DAB1: variants seen among roughly 807,000 people sequenced by gnomAD.
DAB1 encodes disabled homolog 1.
In DAB1, 15 loss-of-function variants were observed where a neutral mutation model predicts 64.6. That is an observed-to-expected ratio of 0.23 (90% confidence interval 0.16 to 0.36). DAB1 has a LOEUF of 0.36. Among genes scored for constraint, DAB1 ranks in the 10% least tolerant of loss-of-function variants. The probability of loss-of-function intolerance (pLI) is 1.00; values close to 1 mark genes in which losing one functional copy is unlikely to be tolerated. For missense variants in DAB1, 596 were observed against 706.7 expected (o/e 0.84, Z 1.78); for synonymous variants, 235 against 251.9 (o/e 0.93, Z 0.64).
chr1:57,609,675 A>C (rs1645702584), intron 7 of DAB1, among the ~76,000 whole-genome samples: 1 of 152,236 alleles, frequency 6.6e-6, no homozygotes, highest in Non-Finnish European at 1.5e-5. Context: ...AAATAAAGTA[A>C]CATGAAGGCA....
At chr1:57,432,218 C>CA (rs1305036021) in intron 7 of DAB1, among the ~76,000 whole-genome samples, 3 of 152,168 alleles carry the variant, frequency 2.0e-5, no homozygotes, top group Admixed American at 2.0e-4. Context: ...TTTGTAGCCT[C>CA]TATGTTAAAG....
intron 2 of DAB1, among the ~76,000 whole-genome samples, chr1:57,287,778 T>TGTTATTTATTTATTTATTTA (rs1553164512): frequency 2.5e-4 from 36 of 144,102 alleles, no homozygotes; most frequent in African/African-American, 7.0e-4. Flanking sequence ...TTTCTCTCTC[T>TGTTATTTATTTATTTATTTA]TTTATTTATT....
intron 5 of DAB1, among the ~76,000 whole-genome samples, chr1:58,112,229 GTAT>G (rs943656786): frequency 7.9e-5 from 12 of 152,294 alleles, no homozygotes; most frequent in African/African-American, 2.9e-4. Context: ...CAGTTGGAAA[GTAT>G]TTCCTCACAT....
chr1:58,070,219 A>G (rs573327447), intron 5 of DAB1, among the ~76,000 whole-genome samples: 1 of 152,334 alleles, frequency 6.6e-6, no homozygotes, highest in African/African-American at 2.4e-5. Context: ...AAAATGCTTC[A>G]GTTTCAGTTT....
intron 2 of DAB1, among the ~76,000 whole-genome samples, chr1:57,276,291 T>C (rs1397144112): frequency 6.6e-6 from 1 of 152,332 alleles, no homozygotes; most frequent in Non-Finnish European, 1.5e-5. Flanking sequence ...TCGACCAGGA[T>C]TGGCAAATTA....
chr1:57,061,233 G>GT (rs997001859), intron 9 of DAB1, among the ~76,000 whole-genome samples: 1 of 150,948 alleles, frequency 6.6e-6, no homozygotes, highest in Non-Finnish European at 1.5e-5. Context: ...TTAGATGGGG[G>GT]GGGGGGGTGG....
chr1:58,480,400 T>A (rs148298521), intron 3 of DAB1, among the ~76,000 whole-genome samples: 21 of 152,316 alleles, frequency 1.4e-4, no homozygotes, highest in Non-Finnish European at 2.2e-4. Flanking sequence ...TGCTTTGTCA[T>A]CTGAACCACA....
intron 2 of DAB1, among the ~76,000 whole-genome samples, chr1:57,255,128 T>C (rs557544779): frequency 1.3e-5 from 2 of 152,336 alleles, no homozygotes; most frequent in South Asian, 2.1e-4. Flanking sequence ...AATGAATGAA[T>C]GGTTTTCCCT....
chr1:57,810,999 C>A (rs1651591941), intron 6 of DAB1, among the ~76,000 whole-genome samples: 1 of 152,224 alleles, frequency 6.6e-6, no homozygotes, highest in Non-Finnish European at 1.5e-5. Flanking sequence ...CATTCCTTGG[C>A]TCTGGCCACA....
intron 3 of DAB1, among the ~76,000 whole-genome samples, chr1:58,366,150 C>T (rs1353123622): frequency 6.6e-6 from 1 of 152,182 alleles, no homozygotes; most frequent in East Asian, 1.9e-4. Context: ...TGGGCACCTT[C>T]CATCCTGAAA....
At chr1:57,233,948 G>C (rs1399971700) in intron 2 of DAB1, among the ~76,000 whole-genome samples, 1 of 152,014 alleles carries the variant, frequency 6.6e-6, no homozygotes, top group African/African-American at 2.4e-5. Context: ...CTGCCAAAAC[G>C]GGTCAATTTA....
chr1:57,451,582 G>A (rs980617206), intron 7 of DAB1, among the ~76,000 whole-genome samples: 4 of 152,122 alleles, frequency 2.6e-5, no homozygotes, highest in Admixed American at 6.5e-5. Flanking sequence ...ATTAACAAGG[G>A]TCTAACAGCT....
intron 6 of DAB1, among the ~76,000 whole-genome samples, chr1:57,723,444 T>C (rs1647173927): frequency 1.3e-5 from 2 of 152,258 alleles, no homozygotes; most frequent in African/African-American, 2.4e-5. Context: ...CTCTGTCTTA[T>C]GCTCTCAAAC....
chr1:57,733,997 C>T (rs1228983276), intron 6 of DAB1, among the ~76,000 whole-genome samples: 1 of 152,032 alleles, frequency 6.6e-6, no homozygotes, highest in East Asian at 1.9e-4. Flanking sequence ...TTATTTCCAC[C>T]AACCCAGGCA....
intron 2 of DAB1, among the ~76,000 whole-genome samples, chr1:57,199,419 G>T (rs938488862): frequency 6.6e-6 from 1 of 152,202 alleles, no homozygotes; most frequent in Non-Finnish European, 1.5e-5. Context: ...GAGAAGCAGT[G>T]TTTTGTCACC....
At chr1:57,915,624 A>C (rs1326486395) in intron 5 of DAB1, among the ~76,000 whole-genome samples, 1 of 152,170 alleles carries the variant, frequency 6.6e-6, no homozygotes, top group Non-Finnish European at 1.5e-5. Context: ...GATCCCTTGA[A>C]GTTATTGGGC....
At chr1:57,737,108 T>C (rs1647729086) in intron 6 of DAB1, among the ~76,000 whole-genome samples, 1 of 152,168 alleles carries the variant, frequency 6.6e-6, no homozygotes, top group African/African-American at 2.4e-5. Context: ...GAGCTGTGGC[T>C]TCCGGTGGAG....
At position 58,460,332 on chromosome 1, in the gene DAB1, G is replaced by T. The variant is rs6667079; in HGVS notation, n.257+45728C>A. On this transcript the variant is annotated intron_variant and non_coding_transcript_variant, in intron 3 of 20. Coordinates refer to the DAB1 transcript ENST00000485760. ...ACGTGGGACTGGGCAGGGAAGGAGG[G>T]TGCATTATCTGTATTTCAATAGGAT... Among the ~76,000 whole-genome samples the T allele has an allele frequency of 5.0e-3, 767 of 152,244 alleles. 8 individuals are homozygous for T. The highest frequency in any genetic ancestry group is 0.018 in the African/African-American group (731 of 41,542).
chr1:58,485,656 CTT>C (rs1461244759), intron 3 of DAB1, among the ~76,000 whole-genome samples: 1 of 151,722 alleles, frequency 6.6e-6, no homozygotes, highest in Non-Finnish European at 1.5e-5. Context: ...GCGCCAATGT[CTT>C]TTTATTTTTA....
Sources: gnomAD v4.1 joint callset for allele counts (sites outside exome capture counted in the v4.1 genomes callset) on GRCh38, gnomAD v4.1.1 for gene constraint, MANE v1.5 for transcripts, NCBI Gene and HGNC (gene_info 2026-07-23, HGNC 2026-07-21) for gene names.